Variants in BMPR1A observed in about 807,000 individuals in gnomAD.
BMPR1A encodes bone morphogenetic protein receptor type-1A.
In BMPR1A, 7 loss-of-function variants were observed where a neutral mutation model predicts 66.0. The observed-to-expected ratio is 0.11, with a 90% CI of 0.06 to 0.20. BMPR1A has a LOEUF of 0.20. Among genes scored for constraint, BMPR1A ranks in the 10% least tolerant of loss-of-function variants. BMPR1A has a pLI of 1.00. For synonymous variants in BMPR1A, 200 were observed against 229.7 expected, an observed-to-expected ratio of 0.87 and a Z score of 1.17; for missense variants, 408 against 669.1, an observed-to-expected ratio of 0.61 and a Z score of 4.31.
chr10:86,915,219 CAG>C (rs1843548098), intron 8 of BMPR1A, among the ~76,000 whole-genome samples: 1 of 152,014 alleles, frequency 6.6e-6, no homozygotes, highest in African/African-American at 2.4e-5. Context: ...TAAGTAGAGA[CAG>C]GGTTTCACCA....
At chr10:86,912,429 A>G in intron 8 of BMPR1A, 45 bp downstream of exon 8, 3 of 1,606,978 alleles carry the variant, frequency 1.9e-6, no homozygotes, top group Non-Finnish European at 2.6e-6. Context: ...GTTGATTTAG[A>G]ATGTGTCCTC....
At chr10:86,794,233 A>G (rs1009127002) in intron 1 of BMPR1A, among the ~76,000 whole-genome samples, 2 of 151,996 alleles carry the variant, frequency 1.3e-5, no homozygotes, top group African/African-American at 2.4e-5. Context: ...TTGAACTGTT[A>G]ATTTTATCTA....
chr10:86,763,587 G>C (rs756842039), intron 1 of BMPR1A, among the ~76,000 whole-genome samples: 4 of 151,986 alleles, frequency 2.6e-5, no homozygotes, highest in Non-Finnish European at 5.9e-5. Flanking sequence ...TTTGGCTGAA[G>C]AATCACGCCA....
intron 2 of BMPR1A, chr10:86,855,157 G>T: frequency 2.4e-6 from 1 of 424,180 alleles, no homozygotes; most frequent in South Asian, 6.8e-5. Flanking sequence ...CCTGACATCA[G>T]GTGATCAACC....
At chr10:86,847,612 G>A (rs1313306397) in intron 2 of BMPR1A, among the ~76,000 whole-genome samples, 1 of 151,878 alleles carries the variant, frequency 6.6e-6, no homozygotes, top group Non-Finnish European at 1.5e-5. Context: ...CACTCTGGGA[G>A]GCCAAGGTGG....
At chr10:86,759,332 A>G (rs567223721) in intron 1 of BMPR1A, among the ~76,000 whole-genome samples, 1 of 152,354 alleles carries the variant, frequency 6.6e-6, no homozygotes, top group South Asian at 2.1e-4. Context: ...CTAGTCCCTT[A>G]GAATGATTGT....
intron 1 of BMPR1A, among the ~76,000 whole-genome samples, chr10:86,758,633 T>G (rs1481697299): frequency 6.6e-6 from 1 of 152,254 alleles, no homozygotes; most frequent in African/African-American, 2.4e-5. Context: ...AACACATGGT[T>G]GTTAATTGCG....
At chr10:86,805,377 T>TACAAAC (rs1841874661) in intron 1 of BMPR1A, among the ~76,000 whole-genome samples, 1 of 142,984 alleles carries the variant, frequency 7.0e-6, no homozygotes, top group Non-Finnish European at 1.5e-5. Context: ...CTCCTACCTG[T>TACAAAC]ACACACACAC....
rs541181655 is a variant in BMPR1A, at chr10:86,851,714, A to G, written c.-153+12735A>G. ...CAACGAAGACACAAAAGCTGTGCAGAGTAATGGAAGCCTGGAAGGAGTGCC... is the reference window on the plus strand; with the variant it reads ...CAACGAAGACACAAAAGCTGTGCAGGGTAATGGAAGCCTGGAAGGAGTGCC... On this transcript the variant is annotated intron_variant, in intron 2 of 12. Transcript: ENST00000372037. Among the ~76,000 whole-genome samples the G allele has an allele frequency of 4.0e-4, 61 of 152,312 alleles. 1 individual carries two copies. Among genetic ancestry groups the G allele is most frequent in the Non-Finnish European group, 2.4e-4 (16 of 68,022 alleles).
At chr10:86,901,728 TCAAATAACTGAATCTTTGC>T (rs1456900742) in intron 7 of BMPR1A, among the ~76,000 whole-genome samples, 27 of 152,222 alleles carry the variant, frequency 1.8e-4, no homozygotes, top group Non-Finnish European at 1.5e-5. Context: ...AGTCCCTTTG[TCAAATAACTGAATCTTTGC>T]CAGTAAGACA....
intron 1 of BMPR1A, among the ~76,000 whole-genome samples, chr10:86,786,193 C>G (rs1185816984): frequency 2.0e-5 from 3 of 152,150 alleles, no homozygotes; most frequent in African/African-American, 7.2e-5. Flanking sequence ...GCCCTTGCCT[C>G]TACACTCTGC....
chr10:86,865,999 A>G lies in BMPR1A; in HGVS notation c.-152-9868A>G, dbSNP rs1320538149. On this transcript the variant is annotated intron_variant, in intron 2 of 12. Coordinates refer to ENST00000372037, the MANE Select transcript of BMPR1A (RefSeq NM_004329.3). ...GTTCTGGGAGTGTGGAAGGAAGCAGAGAGTGTAGATTGCTGCTGCCAATTG... is the reference window on the plus strand; with the variant it reads ...GTTCTGGGAGTGTGGAAGGAAGCAGGGAGTGTAGATTGCTGCTGCCAATTG... 3.3e-5 allele frequency among the ~76,000 whole-genome samples: 5 copies of G among 152,184 alleles called. No homozygotes were observed. The East Asian group carries it at 9.6e-4, about 29-fold the overall frequency.
At chr10:86,854,211 AGTT>A (rs1463578382) in intron 2 of BMPR1A, among the ~76,000 whole-genome samples, 2 of 152,176 alleles carry the variant, frequency 1.3e-5, no homozygotes, top group Non-Finnish European at 2.9e-5. Context: ...CGGCGGTCAG[AGTT>A]TAAGGTTCTC....
chr10:86,859,617 C>T (rs1295595202), intron 2 of BMPR1A, among the ~76,000 whole-genome samples: 5 of 151,870 alleles, frequency 3.3e-5, no homozygotes, highest in South Asian at 2.1e-4. Flanking sequence ...GTCAGGAGTT[C>T]GAGACCAGCC....
intron 1 of BMPR1A, among the ~76,000 whole-genome samples, chr10:86,826,411 A>AACACACATACACAC (rs71477611): frequency 0.053 from 7,843 of 147,052 alleles, 312 homozygotes; most frequent in Non-Finnish European, 0.073. Flanking sequence ...CAATCAAGGA[A>AACACACATACACAC]ACACACACAC....
intron 1 of BMPR1A, among the ~76,000 whole-genome samples, chr10:86,835,159 T>C (rs774832578): frequency 6.7e-6 from 1 of 149,930 alleles, no homozygotes; most frequent in Non-Finnish European, 1.5e-5. Flanking sequence ...CCTTAGAGCC[T>C]GGAAGGTCAA....
In BMPR1A at chr10:86,899,836, C is replaced by A; in HGVS notation, c.376C>A (p.Arg126=). The A allele has an allele frequency of 6.2e-7, 1 of 1,614,146 alleles. No homozygotes were observed. Among genetic ancestry groups the A allele is most frequent in the African/African-American group, 1.3e-5 (1 of 75,032 alleles). The part of the protein sequence containing the change: ...AQLRRTIECC[R]TNLCNQYLQP... ...GCTACGCCGGACAATAGAATGTTGT[C>A]GGACCAATTTATGTAACCAGTATTT... The change falls in exon 6 of 13, where the codon CGG becomes AGG. Residue 126 remains arginine (R), a synonymous_variant. Coordinates refer to ENST00000372037, the MANE Select transcript of BMPR1A (RefSeq NM_004329.3).
At chr10:86,868,154 C>A (rs1842808046) in intron 2 of BMPR1A, among the ~76,000 whole-genome samples, 1 of 152,170 alleles carries the variant, frequency 6.6e-6, no homozygotes, top group Admixed American at 6.5e-5. Context: ...GTAAAACTTT[C>A]TAAAACACCC....
intron 2 of BMPR1A, among the ~76,000 whole-genome samples, chr10:86,861,128 A>G (rs1156761672): frequency 6.6e-6 from 1 of 152,190 alleles, no homozygotes; most frequent in African/African-American, 2.4e-5. Context: ...GGCGTGAGCC[A>G]CCGCGCCTGG....
Sources: allele counts gnomAD v4.1 joint callset (sites outside exome capture counted in the v4.1 genomes callset), GRCh38; gene constraint gnomAD v4.1.1; transcripts MANE v1.5; gene names NCBI Gene and HGNC (gene_info 2026-07-23, HGNC 2026-07-21).